Variants in TRPC4 observed in about 807,000 individuals in gnomAD.
The protein encoded by TRPC4 is transient receptor potential cation channel subfamily C member 4.
TRPC4 carries 49 observed loss-of-function variants against 99.4 expected under a neutral mutation model. The ratio of observed to expected loss-of-function variants is 0.49; its 90% CI spans 0.39 to 0.63. The LOEUF (loss-of-function observed/expected upper bound fraction) is 0.63, where lower values mean the gene tolerates loss of function less well. Ranked by LOEUF, TRPC4 falls within the 20% of genes least tolerant of loss-of-function variation. The pLI is 0.00. For synonymous variants in TRPC4, 454 were observed against 425.9 expected (o/e 1.07, Z -0.81); for missense variants, 898 against 1,152.9 (o/e 0.78, Z 3.20).
At chr13:37,769,706 C>T (rs1956495412) in intron 2 of TRPC4, among the ~76,000 whole-genome samples, 1 of 151,392 alleles carries the variant, frequency 6.6e-6, no homozygotes, top group African/African-American at 2.4e-5. Flanking sequence ...GAAGCCTATC[C>T]TCAGAGATTT....
Position 37,776,682 on chromosome 13 carries a change from G to T in TRPC4, c.378+6274C>A, listed in dbSNP as rs145221926. ...ATGAGTTAGTTTATAGACTGTCTTG[G>T]TATACAATGTCATTTAATAATTACC... On this transcript the variant is annotated intron_variant, in intron 2 of 10. Coordinates refer to ENST00000379705, the MANE Select transcript of TRPC4 (RefSeq NM_016179.4). Among the ~76,000 whole-genome samples the T allele has an allele frequency of 2.0e-3, 310 of 151,984 alleles. 2 individuals carry two copies. The highest frequency in any genetic ancestry group is 7.0e-3 in the African/African-American group (290 of 41,500).
chr13:37,830,295 AAC>A (rs1457158406), intron 1 of TRPC4, among the ~76,000 whole-genome samples: 2 of 152,300 alleles, frequency 1.3e-5, no homozygotes, highest in East Asian at 1.9e-4. Context: ...AGAAAAAGAA[AAC>A]ACACAGAAAT....
At chr13:37,698,404 G>A (rs1342083447) in intron 3 of TRPC4, among the ~76,000 whole-genome samples, 4 of 151,292 alleles carry the variant, frequency 2.6e-5, no homozygotes, top group Non-Finnish European at 5.9e-5. Flanking sequence ...CTCGTGATCC[G>A]CCTGCCTCAG....
chr13:37,692,252 T>C lies in TRPC4; in HGVS notation c.981A>G (p.Ala327=). ...TTATGAAACATGTCACCATCTTCAC[T>C]GCCCAGTGTCTTCTCCTCCAGCCTG... ...EFPGWRRRHW[A]VKMVTCFIIG... is the part of the protein sequence containing the mutation. The change falls in exon 4 of 11, where the codon GCA becomes GCG. Residue 327 remains alanine, a synonymous_variant. Transcript: ENST00000379705. The C allele has an allele frequency of 6.2e-7, 1 of 1,614,164 alleles. No individual in the cohort carries two copies. Among genetic ancestry groups the C allele is most frequent in the South Asian group, 1.1e-5 (1 of 91,084 alleles).
At chr13:37,708,757 A>C (rs1001427059) in intron 3 of TRPC4, among the ~76,000 whole-genome samples, 3 of 149,868 alleles carry the variant, frequency 2.0e-5, no homozygotes, top group Non-Finnish European at 4.4e-5. Context: ...TAAGTTAAAA[A>C]TCTTAATTTC....
At chr13:37,764,899 T>C (rs977399754) in intron 2 of TRPC4, among the ~76,000 whole-genome samples, 4 of 151,124 alleles carry the variant, frequency 2.6e-5, no homozygotes, top group Admixed American at 2.0e-4. Flanking sequence ...ACTATATTTT[T>C]CTAATTTTTG....
chr13:37,819,912 C>G (rs1436222539), intron 1 of TRPC4, among the ~76,000 whole-genome samples: 4 of 150,570 alleles, frequency 2.7e-5, no homozygotes, highest in Admixed American at 1.3e-4. Context: ...CCAGCCAACC[C>G]CAAATCTAGT....
At chr13:37,640,997 A>C (rs1951698699) in intron 8 of TRPC4, among the ~76,000 whole-genome samples, 1 of 152,190 alleles carries the variant, frequency 6.6e-6, no homozygotes, top group Non-Finnish European at 1.5e-5. Flanking sequence ...AATTTTCAAC[A>C]GAGAGCAATT....
chr13:37,857,855 GA>G (rs1013041005), intron 1 of TRPC4, among the ~76,000 whole-genome samples: 3 of 151,726 alleles, frequency 2.0e-5, no homozygotes, highest in African/African-American at 7.2e-5. Context: ...ACTGGTCTGG[GA>G]AAAAAGGTTT....
chr13:37,770,345 A>C (rs1956516157), intron 2 of TRPC4, among the ~76,000 whole-genome samples: 1 of 151,516 alleles, frequency 6.6e-6, no homozygotes, highest in Non-Finnish European at 1.5e-5. Flanking sequence ...GTGACATCAC[A>C]TTAAAGGTGA....
chr13:37,757,479 T>C (rs1267397700), intron 2 of TRPC4, among the ~76,000 whole-genome samples: 7 of 152,072 alleles, frequency 4.6e-5, no homozygotes, highest in Non-Finnish European at 7.4e-5. Context: ...ACAAAGCAGA[T>C]AGTTGTTTTT....
At chr13:37,736,148 T>C (rs1009564668) in intron 3 of TRPC4, among the ~76,000 whole-genome samples, 1 of 152,178 alleles carries the variant, frequency 6.6e-6, no homozygotes, top group South Asian at 2.1e-4. Context: ...CCTGAGCCAG[T>C]CTGAAAAGTA....
intron 1 of TRPC4, among the ~76,000 whole-genome samples, chr13:37,791,250 G>T (rs1957109960): frequency 6.6e-6 from 1 of 151,872 alleles, no homozygotes; most frequent in Admixed American, 6.6e-5. Flanking sequence ...AAAAAAATTA[G>T]CCGGGCATAG....
rs145483876 is a variant in TRPC4 at position 37,857,152 on chromosome 13, A to C, written c.-28+12443T>G. On this transcript the variant is annotated intron_variant, in intron 1 of 10. Transcript: ENST00000379705. Reference sequence around the variant, plus strand: ...CCAACAGTAAACAATCTGACAAAGAAATAAAAAGTAATCCCATTTACAATA... The same window carrying C: ...CCAACAGTAAACAATCTGACAAAGACATAAAAAGTAATCCCATTTACAATA... Among the ~76,000 whole-genome samples the C allele has an allele frequency of 1.9e-3, 295 of 151,796 alleles. 3 individuals are homozygous for C. The highest frequency in any genetic ancestry group is 6.5e-3 in the African/African-American group (268 of 41,512).
chr13:37,638,909 G>T, intron 10 of TRPC4, 131 bp downstream of exon 10: 1 of 856,918 alleles, frequency 1.2e-6, no homozygotes, highest in African/African-American at 1.7e-5. Context: ...TAGGGTTTCA[G>T]CTGAAAAATC....
intron 8 of TRPC4, among the ~76,000 whole-genome samples, chr13:37,644,509 T>C (rs1951810989): frequency 6.6e-6 from 1 of 152,124 alleles, no homozygotes; most frequent in Non-Finnish European, 1.5e-5. Context: ...TATAGCATGG[T>C]AGACCTGTGT....
At position 37,716,106 on chromosome 13, in the gene TRPC4, A is replaced by AC. The variant is rs569596693; in HGVS notation, c.898-23772dup. 2.8e-3 allele frequency among the ~76,000 whole-genome samples: 352 copies of AC among 125,820 alleles called. 2 individuals are homozygous for AC. The highest frequency in any genetic ancestry group is 5.0e-3 in the Non-Finnish European group (281 of 55,956). The allele number at this position is 125,820 out of a possible 152,430, so 82.5% of individuals were successfully genotyped here. A position where few individuals can be genotyped will look rare whatever the true frequency, so the allele number is the denominator to read the frequency against. ...TTTACAGACTAAGAGAAACATGAAAACTTTTTTTTCTCCTTGCTGCAAATC... is the reference window on the plus strand; with the variant it reads ...TTTACAGACTAAGAGAAACATGAAAACCTTTTTTTTCTCCTTGCTGCAAATC... On this transcript the variant is annotated intron_variant, in intron 3 of 10. Coordinates refer to ENST00000379705, the MANE Select transcript of TRPC4 (RefSeq NM_016179.4).
chr13:37,867,661 T>A (rs906081563), intron 1 of TRPC4, among the ~76,000 whole-genome samples: 13 of 152,042 alleles, frequency 8.6e-5, no homozygotes, highest in Non-Finnish European at 5.9e-5. Context: ...GAAACAGCAA[T>A]TTTTCTAAGC....
chr13:37,862,176 T>A (rs1319389384), intron 1 of TRPC4, among the ~76,000 whole-genome samples: 1 of 151,330 alleles, frequency 6.6e-6, no homozygotes, highest in Non-Finnish European at 1.5e-5. Context: ...GTCTCTACTG[T>A]CTCTAGAGAA....
Sources: gnomAD v4.1 joint callset for allele counts (sites outside exome capture counted in the v4.1 genomes callset) on GRCh38, gnomAD v4.1.1 for gene constraint, MANE v1.5 for transcripts, NCBI Gene and HGNC (gene_info 2026-07-23, HGNC 2026-07-21) for gene names.